SMARCC2: variants seen among roughly 807,000 people sequenced by gnomAD.
SMARCC2 encodes SWI/SNF related BAF chromatin remodeling complex subunit C2, also known as SWI/SNF complex subunit SMARCC2.
SMARCC2 carries 15 observed loss-of-function variants against 151.3 expected under a neutral mutation model. That is an observed-to-expected ratio of 0.10 (90% CI 0.07 to 0.15). The LOEUF (loss-of-function observed/expected upper bound fraction) is 0.15. SMARCC2 is among the 10% of genes least tolerant of loss of function. The probability of loss-of-function intolerance (pLI) is 1.00; values close to 1 mark genes in which losing one functional copy is unlikely to be tolerated. For synonymous variants in SMARCC2, 590 were observed against 609.5 expected (o/e 0.97, Z 0.47); for missense variants, 1,031 against 1,599.7 (o/e 0.64, Z 6.06).
rs1339603525 is a variant in SMARCC2 at position 56,163,708 on chromosome 12, G to A, written c.3719C>T (p.Pro1240Leu). The A allele has an allele frequency of 6.6e-7, 1 of 1,508,604 alleles. No homozygotes were observed. Among genetic ancestry groups the A allele is most frequent in the Non-Finnish European group, 8.8e-7 (1 of 1,137,214 alleles). 93.5% of individuals were successfully genotyped at this position (1,508,604 alleles called of 1,614,324 possible). Reference protein sequence around the residue: ...PTAPSPGTVTPVPPPQ With the variant: ...PTAPSPGTVTLVPPPQ ...GGCTCCTCACTGTGGAGGTGGCACAGGGGTGACCGTGCCTGGGCTCGGGGC... is the reference window on the plus strand; with the variant it reads ...GGCTCCTCACTGTGGAGGTGGCACAAGGGTGACCGTGCCTGGGCTCGGGGC... Residue 1240 changes from proline to leucine, a missense_variant, in exon 29 of 29, where the codon CCT becomes CTT. This residue lies in a region of SMARCC2 where 310 missense variants were observed against 350.0 expected (regional missense o/e 0.89). Transcript: ENST00000550164.
rs201497301 is a variant in SMARCC2 at position 56,164,722 on chromosome 12, G to A, written c.3242C>T (p.Pro1081Leu). 27 of 1,607,170 alleles carry A rather than the reference G, an allele frequency of 1.7e-5. No homozygotes were observed. The highest frequency in any genetic ancestry group is 2.3e-5 in the Non-Finnish European group (27 of 1,176,644). ...GGGAGGAGTTTGTTGGTTGGGGAAC[G>A]GTGAGGGGCCTGAGAATAAAGATGA... ...VPPPGPHGPS[P>L]FPNQQTPPSM... The change falls in exon 28 of 29, where the codon CCG becomes CTG. Residue 1081 changes from proline (P) to leucine (L), a missense_variant. Physicochemically the swap from Pro to Leu is moderately conservative, Grantham distance 98. Transcript: ENST00000550164.
At chr12:56,177,910 G>T (rs763010238) in intron 15 of SMARCC2, 112 bp downstream of exon 15, 5 of 756,472 alleles carry the variant, frequency 6.6e-6, no homozygotes, top group African/African-American at 1.7e-5. Flanking sequence ...CATAGTGCCT[G>T]GCTCATGGAA....
chr12:56,167,995 C>T, intron 26 of SMARCC2, 65 bp downstream of exon 26: 1 of 1,534,962 alleles, frequency 6.5e-7, no homozygotes, highest in South Asian at 1.1e-5. Context: ...CACACACACA[C>T]ACACGCCCCT....
chr12:56,169,736 C>T (rs1381617621), intron 24 of SMARCC2, 40 bp downstream of exon 24: 1 of 1,614,084 alleles, frequency 6.2e-7, no homozygotes, highest in South Asian at 1.1e-5. Context: ...ACAGCTTCAC[C>T]TCTGTCCTGC....
At chr12:56,172,266 G>T in intron 20 of SMARCC2, 162 bp downstream of exon 20, 1 of 615,452 alleles carries the variant, frequency 1.6e-6, no homozygotes, top group Non-Finnish European at 2.7e-6. Flanking sequence ...ATTTTTCGTA[G>T]AGACGGAGTC....
chr12:56,188,064 A>T (rs1877602316), intron 1 of SMARCC2, among the ~76,000 whole-genome samples: 1 of 152,110 alleles, frequency 6.6e-6, no homozygotes, highest in Non-Finnish European at 1.5e-5. Flanking sequence ...CCCACTCATC[A>T]CAAAGAAGAC....
intron 25 of SMARCC2, among the ~76,000 whole-genome samples, chr12:56,169,043 C>T (rs1234151130): frequency 6.6e-6 from 1 of 152,012 alleles, no homozygotes; most frequent in African/African-American, 2.4e-5. Flanking sequence ...CCTGTAATTC[C>T]AGCAGTTTGG....
intron 15 of SMARCC2, among the ~76,000 whole-genome samples, chr12:56,175,983 C>G (rs923834713): frequency 6.6e-6 from 1 of 152,062 alleles, no homozygotes; most frequent in Non-Finnish European, 1.5e-5. Flanking sequence ...CTCAGCCTCC[C>G]AAGTAGCTGG....
rs771961774 is a variant in SMARCC2 at position 56,171,883 on chromosome 12, G to A, written c.1981C>T (p.Arg661Cys). 2 of 1,613,644 alleles carry A rather than the reference G, an allele frequency of 1.2e-6. No homozygotes were observed. The highest frequency in any genetic ancestry group is 1.3e-5 in the African/African-American group (1 of 74,886). Residue 661 changes from arginine to cysteine, a missense_variant, in exon 21 of 29, where the codon CGC becomes TGC. Arg to Cys is a radical substitution (Grantham distance 180). Around this residue, in one of 12 missense-constraint regions of SMARCC2, gnomAD observed 51 missense variants for 137.9 expected, o/e 0.37. Coordinates refer to ENST00000550164, the MANE Select transcript of SMARCC2 (RefSeq NM_001330288.2). This position sits in a 1 kb window ranked among gnomAD's most constrained non-coding sequence, Gnocchi z 4.2. ...WNKVSEHVGS[R>C]TQDECILHFL... ...TGCAAGATGCACTCGTCCTGTGTGCGGCTTCCCACATGCTCGGACACTTTG... is the reference window on the plus strand; with the variant it reads ...TGCAAGATGCACTCGTCCTGTGTGCAGCTTCCCACATGCTCGGACACTTTG...
intron 10 of SMARCC2, 148 bp from the exon 11 acceptor site, chr12:56,181,249 G>C: frequency 2.6e-6 from 2 of 777,424 alleles, no homozygotes; most frequent in Non-Finnish European, 4.1e-6. Flanking sequence ...GTAATGGGAA[G>C]TGGCAAAGGC....
chr12:56,173,589 G>A, intron 17 of SMARCC2, 107 bp downstream of exon 17: 2 of 1,006,844 alleles, frequency 2.0e-6, no homozygotes, highest in Middle Eastern at 3.3e-4. Flanking sequence ...GGAAAAGGAA[G>A]AAGCCTCAAA....
rs1877441781 is a variant in SMARCC2, at chr12:56,187,303, T to C, written c.115A>G (p.Ile39Val). The C allele has an allele frequency of 1.2e-6, 2 of 1,610,780 alleles. No individual in the cohort carries two copies. Among genetic ancestry groups the C allele is most frequent in the African/African-American group, 1.3e-5 (1 of 74,778 alleles). Residue 39 changes from isoleucine (I) to valine (V), a missense_variant, in exon 2 of 29, where the codon ATA (isoleucine) becomes GTA (valine). Physicochemically the swap from Ile to Val is conservative, Grantham distance 29. Transcript: ENST00000550164. Reference protein sequence around the residue: ...LWLGKNYKKYIQAEPPTNKSL... With the variant: ...LWLGKNYKKYVQAEPPTNKSL... Reference sequence around the variant, plus strand: ...TTGTTGGTGGGTGGTTCAGCTTGTATATACTAAGGAAAAAGAGGGAAAGGA... The same window carrying C: ...TTGTTGGTGGGTGGTTCAGCTTGTACATACTAAGGAAAAAGAGGGAAAGGA...
intron 17 of SMARCC2, 149 bp downstream of exon 17, chr12:56,173,547 G>A: frequency 1.4e-6 from 1 of 694,204 alleles, no homozygotes; most frequent in Non-Finnish European, 2.5e-6. Context: ...CTAAACACAT[G>A]GGGCTGATTC....
At chr12:56,164,185 A>C (rs1430051703) in intron 28 of SMARCC2, 118 bp downstream of exon 28, 1 of 896,024 alleles carries the variant, frequency 1.1e-6, no homozygotes, top group African/African-American at 1.7e-5. Context: ...ATTTTACCAG[A>C]GTGTTCAAAA....
intron 15 of SMARCC2, among the ~76,000 whole-genome samples, chr12:56,177,799 G>C (rs887278845): frequency 6.6e-6 from 1 of 152,358 alleles, no homozygotes; most frequent in Non-Finnish European, 1.5e-5. Flanking sequence ...GTTATGTATA[G>C]AACATGCTTA....
At chr12:56,186,300 TTAATAATC>T in intron 2 of SMARCC2, 60 bp from the exon 3 acceptor site, 1 of 1,013,372 alleles carries the variant, frequency 9.9e-7, no homozygotes, top group Non-Finnish European at 1.6e-6. Context: ...CTCTCATCAC[TTAATAATC>T]TAATAATCCT....
rs1873569678 is a variant in SMARCC2, at chr12:56,169,854, C to G, written c.2470G>C (p.Ala824Pro). ...EEEAKEKTSE[A>P]PKKDEEKGKE... ...CCTTTCTCCTCATCCTTCTTGGGAG[C>G]CTCGCTGGTTTTCTCTTTTGCTTCC... Residue 824 changes from alanine (A) to proline (P), a missense_variant, in exon 24 of 29, where the codon GCT (alanine) becomes CCT (proline). This residue lies in a region of SMARCC2 where 119 missense variants were observed against 184.2 expected (regional missense o/e 0.65). Transcript: ENST00000550164. 6.2e-7 allele frequency: 1 copy of G among 1,614,068 alleles called. No individual in the cohort carries two copies. Among genetic ancestry groups the G allele is most frequent in the Non-Finnish European group, 8.5e-7 (1 of 1,179,988 alleles).
intron 15 of SMARCC2, among the ~76,000 whole-genome samples, chr12:56,175,892 C>G (rs1015123911): frequency 2.6e-5 from 4 of 151,854 alleles, no homozygotes; most frequent in Non-Finnish European, 5.9e-5. Flanking sequence ...GAGTTTCACT[C>G]TTGTTGCCCA....
intron 3 of SMARCC2, chr12:56,185,454 A>C: frequency 4.0e-6 from 1 of 252,016 alleles, no homozygotes; most frequent in Non-Finnish European, 7.8e-6. Context: ...AAGTGCTGGG[A>C]TTACAGGCAT....
Sources: gnomAD v4.1 joint callset for allele counts (sites outside exome capture counted in the v4.1 genomes callset) on GRCh38, gnomAD v4.1.1 for gene constraint, gnomAD v4.1.1 regional missense constraint, Gnocchi (gnomAD v3.1) non-coding constraint, MANE v1.5 for transcripts, NCBI Gene and HGNC (gene_info 2026-07-23, HGNC 2026-07-21) for gene names.